Variants in GRIK2 observed in about 807,000 individuals in gnomAD.
GRIK2 encodes the protein glutamate receptor ionotropic, kainate 2.
GRIK2 carries 32 observed loss-of-function variants against 100.3 expected under a neutral mutation model. That is an observed-to-expected ratio of 0.32 (90% CI 0.24 to 0.43). The LOEUF (loss-of-function observed/expected upper bound fraction) is 0.43. Among genes scored for constraint, GRIK2 ranks in the 20% least tolerant of loss-of-function variants. The pLI is 1.00. For missense variants in GRIK2, 843 were observed against 1,114.9 expected (o/e 0.76, Z 3.47); for synonymous variants, 417 against 389.4 (o/e 1.07, Z -0.83).
intron 2 of GRIK2, among the ~76,000 whole-genome samples, chr6:101,479,074 C>A (rs1016728452): frequency 1.3e-5 from 2 of 152,166 alleles, no homozygotes; most frequent in African/African-American, 4.8e-5. Context: ...AGAAAGTTGA[C>A]AGCTTGTTCT....
At chr6:101,515,170 T>C (rs1774521794) in intron 2 of GRIK2, among the ~76,000 whole-genome samples, 1 of 152,106 alleles carries the variant, frequency 6.6e-6, no homozygotes. Context: ...TTTCCTGACT[T>C]ACATCACTTA....
intron 2 of GRIK2, among the ~76,000 whole-genome samples, chr6:101,581,300 G>GTA (rs1057429759): frequency 6.6e-6 from 1 of 151,170 alleles, no homozygotes; most frequent in African/African-American, 2.4e-5. Flanking sequence ...GTGTGTGTGT[G>GTA]TGTATATACA....
chr6:101,422,661 A>G (rs1489337789), intron 2 of GRIK2, among the ~76,000 whole-genome samples: 1 of 151,928 alleles, frequency 6.6e-6, no homozygotes, highest in Non-Finnish European at 1.5e-5. Context: ...CCTGCCTTTG[A>G]GTAAAAAGAT....
intron 4 of GRIK2, among the ~76,000 whole-genome samples, chr6:101,672,449 T>A (rs1436018199): frequency 5.3e-5 from 8 of 152,212 alleles, no homozygotes; most frequent in African/African-American, 1.9e-4. Context: ...TCTTTTCTTA[T>A]AAATATCTCA....
intron 14 of GRIK2, among the ~76,000 whole-genome samples, chr6:102,007,117 C>A (rs905859889): frequency 1.3e-5 from 2 of 151,970 alleles, no homozygotes; most frequent in Non-Finnish European, 2.9e-5. Flanking sequence ...TTTCCAGTAA[C>A]AGTAATATAC....
rs1269977042 is a variant in GRIK2 at position 101,485,901 on chromosome 6, G to T, written c.115+86509G>T. On this transcript the variant is annotated intron_variant, in intron 2 of 16. Coordinates refer to ENST00000369134, the MANE Select transcript of GRIK2 (RefSeq NM_021956.5). ...GTATAAAACGTAATTAGCAGGCACAGTTGCACCATTGCGCTTTTTTTTTTT... is the reference window on the plus strand; with the variant it reads ...GTATAAAACGTAATTAGCAGGCACATTTGCACCATTGCGCTTTTTTTTTTT... Among the ~76,000 whole-genome samples, 3 of 147,042 alleles carry T rather than the reference G, an allele frequency of 2.0e-5. No individual in the cohort carries two copies. In the East Asian group the frequency reaches 6.0e-4, roughly 29 times the overall value.
chr6:101,912,430 T>C (rs1582520164), intron 12 of GRIK2, among the ~76,000 whole-genome samples: 1 of 151,520 alleles, frequency 6.6e-6, no homozygotes, highest in African/African-American at 2.4e-5. Flanking sequence ...AGTATTTACG[T>C]GCAGCTCCTT....
intron 2 of GRIK2, among the ~76,000 whole-genome samples, chr6:101,449,773 T>C (rs1770571774): frequency 6.6e-6 from 1 of 151,786 alleles, no homozygotes; most frequent in African/African-American, 2.4e-5. Context: ...TTTCAATTTG[T>C]TTGTTAATCA....
At chr6:101,616,458 C>A (rs1043191214) in intron 2 of GRIK2, among the ~76,000 whole-genome samples, 1 of 151,658 alleles carries the variant, frequency 6.6e-6, no homozygotes, top group African/African-American at 2.4e-5. Context: ...ACTTCTGAAG[C>A]ATTTTGTCAT....
At chr6:102,038,088 A>T (rs1379377895) in intron 15 of GRIK2, among the ~76,000 whole-genome samples, 1 of 151,404 alleles carries the variant, frequency 6.6e-6, no homozygotes, top group Non-Finnish European at 1.5e-5. Flanking sequence ...AAACTAGTAA[A>T]AGAAGAGGAT....
At chr6:101,885,884 G>C (rs1331670833) in intron 11 of GRIK2, among the ~76,000 whole-genome samples, 1 of 151,968 alleles carries the variant, frequency 6.6e-6, no homozygotes, top group East Asian at 1.9e-4. Flanking sequence ...TAGTACATTT[G>C]TTACAGTTGA....
intron 14 of GRIK2, among the ~76,000 whole-genome samples, chr6:101,984,655 A>ACACACACACACACCCC (rs369665252): frequency 4.0e-5 from 6 of 148,640 alleles, no homozygotes; most frequent in African/African-American, 1.2e-4. Context: ...ACACACACAC[A>ACACACACACACACCCC]CCCTTCAACT....
intron 7 of GRIK2, among the ~76,000 whole-genome samples, chr6:101,762,778 G>A (rs1250766738): frequency 6.6e-6 from 1 of 152,106 alleles, no homozygotes; most frequent in Non-Finnish European, 1.5e-5. Context: ...TTAATATTCA[G>A]CTAAAAAGTA....
intron 2 of GRIK2, among the ~76,000 whole-genome samples, chr6:101,524,573 A>G (rs1405079057): frequency 6.6e-6 from 1 of 152,136 alleles, no homozygotes. Flanking sequence ...AAGAAACCCA[A>G]GGCCCACATA....
intron 7 of GRIK2, among the ~76,000 whole-genome samples, chr6:101,783,530 T>A (rs1378242295): frequency 6.6e-6 from 1 of 152,168 alleles, no homozygotes; most frequent in Non-Finnish European, 1.5e-5. Context: ...AGTGGGGTAA[T>A]GCTATAAAGA....
At chr6:101,820,297 G>A (rs1254754162) in intron 10 of GRIK2, among the ~76,000 whole-genome samples, 2 of 152,140 alleles carry the variant, frequency 1.3e-5, no homozygotes, top group South Asian at 2.1e-4. Flanking sequence ...CCTCTGCAAT[G>A]ATCATAGGAT....
chr6:101,944,747 T>G (rs1392074857), intron 14 of GRIK2, among the ~76,000 whole-genome samples: 2 of 152,082 alleles, frequency 1.3e-5, no homozygotes, highest in South Asian at 4.1e-4. Context: ...ATTATCATAA[T>G]AAAGGTCAAT....
intron 2 of GRIK2, among the ~76,000 whole-genome samples, chr6:101,448,456 A>G (rs189113826): frequency 1.3e-3 from 203 of 151,724 alleles, no homozygotes; most frequent in African/African-American, 4.4e-3. Context: ...TGAACTAACC[A>G]TAAGTTAGTG....
intron 2 of GRIK2, among the ~76,000 whole-genome samples, chr6:101,400,224 A>AT (rs548478035): frequency 1.8e-4 from 28 of 152,234 alleles, no homozygotes; most frequent in East Asian, 9.7e-4. Context: ...AGGTAGTTAC[A>AT]TTTTTTTATG....
Sources: gnomAD v4.1 joint callset for allele counts (sites outside exome capture counted in the v4.1 genomes callset) on GRCh38, gnomAD v4.1.1 for gene constraint, MANE v1.5 for transcripts, NCBI Gene and HGNC (gene_info 2026-07-23, HGNC 2026-07-21) for gene names.